The following NAALADL2 variants were observed in gnomAD, a reference collection of about 807,000 sequenced individuals.
NAALADL2 encodes the protein N-acetylated alpha-linked acidic dipeptidase like 2.
In NAALADL2, 76 loss-of-function variants were observed where a neutral mutation model predicts 87.2. The observed-to-expected ratio is 0.87, with a 90% CI of 0.72 to 1.05. The LOEUF is 1.05. NAALADL2 is among the 50% of genes least tolerant of loss of function. The probability of loss-of-function intolerance (pLI) is 0.00; values close to 1 mark genes in which losing one functional copy is unlikely to be tolerated. For synonymous variants in NAALADL2, 354 were observed against 331.0 expected (o/e 1.07, Z -0.75); for missense variants, 1,089 against 945.8 (o/e 1.15, Z -1.99).
chr3:175,692,069 T>A (rs971484024), intron 11 of NAALADL2, among the ~76,000 whole-genome samples: 2 of 152,092 alleles, frequency 1.3e-5, no homozygotes, highest in African/African-American at 4.8e-5. Flanking sequence ...GTATACCTCT[T>A]ATATGAATCT....
At chr3:175,464,339 G>A (rs11710480) in intron 7 of NAALADL2, among the ~76,000 whole-genome samples, 98 of 151,418 alleles carry the variant, frequency 6.5e-4, no homozygotes, top group African/African-American at 2.1e-3. Flanking sequence ...CAGGAGAATC[G>A]CTTGAATCTG....
intron 1 of NAALADL2, among the ~76,000 whole-genome samples, chr3:175,061,255 A>G (rs1390622556): frequency 4.6e-5 from 7 of 152,376 alleles, no homozygotes; most frequent in Non-Finnish European, 7.3e-5. Context: ...GTTCATGTGC[A>G]GATGAAAAAG....
intron 11 of NAALADL2, among the ~76,000 whole-genome samples, chr3:175,644,191 T>C (rs546553249): frequency 4.6e-5 from 7 of 152,266 alleles, no homozygotes; most frequent in African/African-American, 1.7e-4. Flanking sequence ...TGGCTATAAA[T>C]TTTTTGTCAA....
At chr3:175,365,683 C>T (rs1333719055) in intron 5 of NAALADL2, among the ~76,000 whole-genome samples, 1 of 146,712 alleles carries the variant, frequency 6.8e-6, no homozygotes, top group Non-Finnish European at 1.5e-5. Context: ...TGAGATGGAA[C>T]ATTTGAAATT....
chr3:175,296,589 C>A (rs1008710458), intron 4 of NAALADL2, among the ~76,000 whole-genome samples: 1 of 152,102 alleles, frequency 6.6e-6, no homozygotes, highest in African/African-American at 2.4e-5. Context: ...TCTCCACCCT[C>A]CTTTTGGGAG....
At chr3:175,398,049 T>C (rs1243173477) in intron 5 of NAALADL2, among the ~76,000 whole-genome samples, 1 of 152,120 alleles carries the variant, frequency 6.6e-6, no homozygotes, top group South Asian at 2.1e-4. Context: ...AAAAAACTAA[T>C]GAACAAACAA....
At chr3:175,590,077 TG>T (rs1582527654) in intron 10 of NAALADL2, among the ~76,000 whole-genome samples, 2 of 151,934 alleles carry the variant, frequency 1.3e-5, no homozygotes, top group East Asian at 3.9e-4. Flanking sequence ...CCGGGCGTGG[TG>T]GCGGGCGACT....
At chr3:174,923,328 A>G (rs1735507623) in intron 1 of NAALADL2, among the ~76,000 whole-genome samples, 1 of 152,172 alleles carries the variant, frequency 6.6e-6, no homozygotes, top group South Asian at 2.1e-4. Flanking sequence ...AATTAAGTAC[A>G]TATCCATGAG....
intron 2 of NAALADL2, among the ~76,000 whole-genome samples, chr3:175,212,108 C>A (rs1741851976): frequency 6.6e-6 from 1 of 151,914 alleles, no homozygotes; most frequent in African/African-American, 2.4e-5. Flanking sequence ...TTATTACTCT[C>A]CCTTGAAAAA....
chr3:175,028,607 T>G (rs1350956081), intron 1 of NAALADL2, among the ~76,000 whole-genome samples: 1 of 152,048 alleles, frequency 6.6e-6, no homozygotes, highest in Non-Finnish European at 1.5e-5. Context: ...GTGTTTTCCC[T>G]AAGATCTAAA....
At chr3:175,502,445 C>T (rs1471423018) in intron 9 of NAALADL2, among the ~76,000 whole-genome samples, 1 of 152,154 alleles carries the variant, frequency 6.6e-6, no homozygotes, top group Non-Finnish European at 1.5e-5. Flanking sequence ...TGCCTCACTG[C>T]TTCGATCTGG....
chr3:175,412,886 A>AT (rs1713795053), intron 5 of NAALADL2, among the ~76,000 whole-genome samples: 1 of 71,570 alleles, frequency 1.4e-5, no homozygotes, highest in African/African-American at 5.6e-5. Flanking sequence ...TATTTATTTA[A>AT]TTTATTTATT....
chr3:175,698,391 ACATATGTATGTG>A lies in NAALADL2; in HGVS notation c.1897-38914_1897-38903del, dbSNP rs1387701147. On this transcript the variant is annotated intron_variant, in intron 11 of 13. Transcript: ENST00000454872. ...TATGTATGTGTATTTATGTATGTAT[ACATATGTATGTG>A]TATTTATGTATGTATACATATGTAT... is the stretch of plus-strand genomic sequence containing the variant. Among the ~76,000 whole-genome samples the A allele has an allele frequency of 9.7e-3, 1,083 of 111,784 alleles. 370 individuals are homozygous for A. Among genetic ancestry groups the A allele is most frequent in the African/African-American group, 0.042 (1,016 of 24,064 alleles). 73.3% of individuals were successfully genotyped at this position (111,784 alleles called of 152,430 possible).
chr3:174,709,105 T>A (rs746205046), intron 2 of NAALADL2, among the ~76,000 whole-genome samples: 23 of 152,134 alleles, frequency 1.5e-4, no homozygotes, highest in Admixed American at 2.6e-4. Context: ...TATTCCTTTA[T>A]TTAAATATAG....
chr3:175,300,788 T>TTTA (rs1373003655), intron 4 of NAALADL2, among the ~76,000 whole-genome samples: 1,303 of 112,534 alleles, frequency 0.012, 17 homozygotes, highest in African/African-American at 0.044. Context: ...TATTTATTTA[T>TTTA]TTTATTTTAT....
At chr3:175,622,288 G>A (rs1726336907) in intron 10 of NAALADL2, among the ~76,000 whole-genome samples, 1 of 152,032 alleles carries the variant, frequency 6.6e-6, no homozygotes, top group South Asian at 2.1e-4. Flanking sequence ...AGAGAAACCA[G>A]AAAGGGAGGT....
chr3:175,486,410 G>T (rs760065788), intron 9 of NAALADL2, among the ~76,000 whole-genome samples: 1 of 152,008 alleles, frequency 6.6e-6, no homozygotes, highest in Non-Finnish European at 1.5e-5. Context: ...ACTGAAGCTC[G>T]TCTCTTAGTG....
At chr3:175,601,987 T>C (rs1025185917) in intron 10 of NAALADL2, among the ~76,000 whole-genome samples, 19 of 152,176 alleles carry the variant, frequency 1.2e-4, no homozygotes, top group South Asian at 2.1e-4. Context: ...TGATAAACAG[T>C]TGATATTTTT....
At chr3:174,898,167 A>G (rs768141210) in intron 1 of NAALADL2, among the ~76,000 whole-genome samples, 25 of 148,082 alleles carry the variant, frequency 1.7e-4, no homozygotes, top group Non-Finnish European at 2.7e-4. Context: ...AGATCTTATC[A>G]TTTGCAATAA....
Sources: allele counts gnomAD v4.1 joint callset (sites outside exome capture counted in the v4.1 genomes callset), GRCh38; gene constraint gnomAD v4.1.1; transcripts MANE v1.5; gene names NCBI Gene and HGNC (gene_info 2026-07-23, HGNC 2026-07-21).